PARD3: variants seen among roughly 807,000 people sequenced by gnomAD.
The protein encoded by PARD3 is par-3 family cell polarity regulator.
PARD3 carries 75 observed loss-of-function variants against 155.4 expected under a neutral mutation model. The ratio of observed to expected loss-of-function variants is 0.48; its 90% CI spans 0.40 to 0.58. The LOEUF is 0.58. Among genes scored for constraint, PARD3 ranks in the 20% least tolerant of loss-of-function variants. The probability of loss-of-function intolerance (pLI) is 0.00; values close to 1 mark genes in which losing one functional copy is unlikely to be tolerated. For missense variants in PARD3, 1,642 were observed against 1,721.7 expected, an observed-to-expected ratio of 0.95 and a Z score of 0.82; for synonymous variants, 576 against 610.5, an observed-to-expected ratio of 0.94 and a Z score of 0.83.
chr10:34,427,754 TTC>T (rs141528166), intron 5 of PARD3, among the ~76,000 whole-genome samples: 8,007 of 152,168 alleles, frequency 0.053, 701 homozygotes, highest in African/African-American at 0.18. Flanking sequence ...GCTTTAAAAT[TTC>T]TCTCTTTTGT....
At chr10:34,507,548 C>CA (rs374421524) in intron 3 of PARD3, among the ~76,000 whole-genome samples, 677 of 42,884 alleles carry the variant, frequency 0.016, 3 homozygotes, top group South Asian at 0.053. Context: ...ATTAAAAAAA[C>CA]AAAAAAAAAA....
chr10:34,207,734 C>T (rs892415713), intron 22 of PARD3, among the ~76,000 whole-genome samples: 4 of 152,182 alleles, frequency 2.6e-5, no homozygotes, highest in African/African-American at 7.2e-5. Flanking sequence ...TGATATTTAC[C>T]AAGAGTTTCG....
chr10:34,280,714 T>C (rs1179506819), intron 21 of PARD3, among the ~76,000 whole-genome samples: 2 of 152,128 alleles, frequency 1.3e-5, no homozygotes, highest in African/African-American at 2.4e-5. Context: ...CGGTCTTTAC[T>C]TGCCCTTGGT....
chr10:34,167,144 C>G (rs1277076730), intron 22 of PARD3, among the ~76,000 whole-genome samples: 1 of 152,192 alleles, frequency 6.6e-6, no homozygotes, highest in Non-Finnish European at 1.5e-5. Flanking sequence ...AGGGAATAAC[C>G]TGTCAAGGAA....
intron 5 of PARD3, among the ~76,000 whole-genome samples, chr10:34,412,747 A>G (rs913143761): frequency 6.6e-6 from 1 of 152,130 alleles, no homozygotes; most frequent in Non-Finnish European, 1.5e-5. Context: ...TAAATCCGGG[A>G]TTCATGATTT....
chr10:34,486,973 C>T (rs1297868422), intron 3 of PARD3, among the ~76,000 whole-genome samples: 1 of 152,038 alleles, frequency 6.6e-6, no homozygotes, highest in Non-Finnish European at 1.5e-5. Context: ...CAGGCCTGGC[C>T]GTCTCCAAGT....
chr10:34,724,853 C>T (rs1050611198), intron 1 of PARD3, among the ~76,000 whole-genome samples: 5 of 152,138 alleles, frequency 3.3e-5, no homozygotes, highest in Admixed American at 6.5e-5. Context: ...AACGTAACTG[C>T]GGAGCAAATG....
intron 22 of PARD3, among the ~76,000 whole-genome samples, chr10:34,192,415 T>G (rs545200245): frequency 2.0e-5 from 3 of 152,306 alleles, no homozygotes; most frequent in African/African-American, 7.2e-5. Flanking sequence ...TTTTTCTATC[T>G]GCCCTTTTGG....
At chr10:34,542,351 A>G (rs1395544887) in intron 2 of PARD3, among the ~76,000 whole-genome samples, 1 of 152,110 alleles carries the variant, frequency 6.6e-6, no homozygotes, top group African/African-American at 2.4e-5. Flanking sequence ...GGACACTGGC[A>G]GTGTGTGAGA....
chr10:34,634,508 A>G (rs1198488661), intron 2 of PARD3, among the ~76,000 whole-genome samples: 1 of 152,196 alleles, frequency 6.6e-6, no homozygotes, highest in African/African-American at 2.4e-5. Flanking sequence ...AGCATGTACT[A>G]CTGCTGTTAT....
intron 2 of PARD3, among the ~76,000 whole-genome samples, chr10:34,532,450 T>C (rs1264396736): frequency 6.6e-6 from 1 of 152,170 alleles, no homozygotes; most frequent in East Asian, 1.9e-4. Flanking sequence ...GCTGGGCTCA[T>C]CACGTGTTTT....
intron 15 of PARD3, chr10:34,346,169 G>A: frequency 2.7e-6 from 3 of 1,099,596 alleles, no homozygotes; most frequent in Non-Finnish European, 3.3e-6. Context: ...ATATCTAGCA[G>A]AAGGAAGAGG....
At position 34,785,401 on chromosome 10, in the gene PARD3, A is replaced by G. The variant is rs988907537; in HGVS notation, c.120+29475T>C. Among the ~76,000 whole-genome samples, 5 of 152,198 alleles carry G rather than the reference A, an allele frequency of 3.3e-5. No homozygotes were observed. The East Asian group carries it at 9.6e-4, about 29-fold the overall frequency. On this transcript the variant is annotated intron_variant, in intron 1 of 24. Transcript: ENST00000374788. Reference sequence around the variant, plus strand: ...TGCAACTTATACTCTTGAAGTACAGAATAATCTTCTTGAAGTAAAAGCATT... The same window carrying G: ...TGCAACTTATACTCTTGAAGTACAGGATAATCTTCTTGAAGTAAAAGCATT...
intron 2 of PARD3, among the ~76,000 whole-genome samples, chr10:34,653,666 C>G (rs80175800): frequency 6.6e-6 from 1 of 151,806 alleles, no homozygotes; most frequent in East Asian, 1.9e-4. Context: ...ACCTGTGGTC[C>G]CAGCTACACA....
At chr10:34,612,879 T>A (rs926593770) in intron 2 of PARD3, among the ~76,000 whole-genome samples, 2 of 152,200 alleles carry the variant, frequency 1.3e-5, no homozygotes, top group African/African-American at 4.8e-5. Context: ...GAAGAGGTGA[T>A]AAAGTAAGTT....
At chr10:34,601,929 T>C (rs1303383421) in intron 2 of PARD3, among the ~76,000 whole-genome samples, 1 of 152,168 alleles carries the variant, frequency 6.6e-6, no homozygotes, top group East Asian at 1.9e-4. Context: ...TACTGTGAAA[T>C]GAGATGTTTA....
intron 22 of PARD3, among the ~76,000 whole-genome samples, chr10:34,225,700 TGAG>T (rs1236453185): frequency 1.3e-5 from 2 of 152,150 alleles, no homozygotes; most frequent in Non-Finnish European, 2.9e-5. Context: ...CAAGATAACT[TGAG>T]TTTCTTACCT....
At chr10:34,246,382 C>T (rs996819323) in intron 22 of PARD3, among the ~76,000 whole-genome samples, 2 of 152,136 alleles carry the variant, frequency 1.3e-5, no homozygotes, top group African/African-American at 4.8e-5. Context: ...AAGACTGTAA[C>T]CCCTGAGAAA....
rs1287544868 is a variant in PARD3, at chr10:34,156,474, C to G, written c.3420-24891G>C. On this transcript the variant is annotated intron_variant, in intron 22 of 24. Transcript: ENST00000374788. ...TCACAATTTCCAATACTCTAATGCT[C>G]ATAAAGAGACGGCTCATGGTCAAAC... Among the ~76,000 whole-genome samples, 5 of 152,274 alleles carry G rather than the reference C, an allele frequency of 3.3e-5. No individual in the cohort carries two copies. In the South Asian group the frequency reaches 1.0e-3, roughly 32 times the overall value.
Sources: gnomAD v4.1 joint callset for allele counts (sites outside exome capture counted in the v4.1 genomes callset) on GRCh38, gnomAD v4.1.1 for gene constraint, MANE v1.5 for transcripts, NCBI Gene and HGNC (gene_info 2026-07-23, HGNC 2026-07-21) for gene names.